UNK: variants seen among roughly 807,000 people sequenced by gnomAD.
UNK encodes unk zinc finger.
In UNK, 32 loss-of-function variants were observed where a neutral mutation model predicts 97.6. That is an observed-to-expected ratio of 0.33 (90% CI 0.25 to 0.44). The LOEUF is 0.44. Ranked by LOEUF, UNK falls within the 20% of genes least tolerant of loss-of-function variation. UNK has a pLI of 1.00. For missense variants in UNK, 771 were observed against 1,098.4 expected (o/e 0.70, Z 4.21); for synonymous variants, 441 against 461.2 (o/e 0.96, Z 0.56).
rs57508407 is a variant in UNK at position 75,794,638 on chromosome 17, C to CAA, written c.104+9668_104+9669dup. On this transcript the variant is annotated intron_variant, in intron 1 of 15. Coordinates refer to ENST00000589666, the MANE Select transcript of UNK (RefSeq NM_001080419.3). ...GGGCAACAAGAGTGAAACTCCGTCTCAAAAAAAAAAAAAAATGCTTAGTTA... is the reference window on the plus strand; with the variant it reads ...GGGCAACAAGAGTGAAACTCCGTCTCAAAAAAAAAAAAAAAAATGCTTAGTTA... 6.1e-3 allele frequency among the ~76,000 whole-genome samples: 749 copies of CAA among 123,492 alleles called. 3 individuals carry two copies. Among genetic ancestry groups the CAA allele is most frequent in the African/African-American group, 0.014 (474 of 34,780 alleles). 81.0% of individuals were successfully genotyped at this position (123,492 alleles called of 152,430 possible). A position where few individuals can be genotyped will look rare whatever the true frequency, so the allele number is the denominator to read the frequency against.
At chr17:75,794,879 G>A (rs60851052) in intron 1 of UNK, among the ~76,000 whole-genome samples, 1 of 152,272 alleles carries the variant, frequency 6.6e-6, no homozygotes, top group East Asian at 1.9e-4. Flanking sequence ...ACAGTGCTTG[G>A]CACTTAGCAC....
At chr17:75,801,484 T>A (rs184278492) in intron 1 of UNK, among the ~76,000 whole-genome samples, 3 of 152,092 alleles carry the variant, frequency 2.0e-5, no homozygotes, top group Non-Finnish European at 4.4e-5. Context: ...ACTACTGCAC[T>A]CCAGCCTGGT....
At chr17:75,795,321 T>TTTGTTG (rs542714810) in intron 1 of UNK, among the ~76,000 whole-genome samples, 4 of 151,736 alleles carry the variant, frequency 2.6e-5, no homozygotes, top group South Asian at 2.1e-4. Context: ...TTGTGGGCTT[T>TTTGTTG]TTGTTGTTGT....
intron 3 of UNK, 26 bp from the exon 4 acceptor site, chr17:75,812,429 C>T (rs777393852): frequency 1.9e-6 from 3 of 1,603,222 alleles, no homozygotes; most frequent in Admixed American, 3.4e-5. Flanking sequence ...CCTCTCCACC[C>T]TCTCTGTTCT....
chr17:75,824,518 GTA>G lies in UNK; in HGVS notation c.*105_*106del, dbSNP rs1249589239. The G allele has an allele frequency of 2.8e-4, 241 of 846,476 alleles. No homozygotes were observed. Among genetic ancestry groups the G allele is most frequent in the Non-Finnish European group, 3.4e-4 (223 of 659,936 alleles). 52.4% of individuals were successfully genotyped at this position (846,476 alleles called of 1,614,324 possible). A position where few individuals can be genotyped will look rare whatever the true frequency, so the allele number is the denominator to read the frequency against. ...TATATATATATGTGTATGTATGTATGTATATGTATATGATTATGTATATGTAT... is the reference window on the plus strand; with the variant it reads ...TATATATATATGTGTATGTATGTATGTATGTATATGATTATGTATATGTAT... On this transcript the variant is annotated 3_prime_UTR_variant, in exon 16 of 16. Coordinates refer to ENST00000589666, the MANE Select transcript of UNK (RefSeq NM_001080419.3). This position sits in a 1 kb window ranked among gnomAD's most constrained non-coding sequence, Gnocchi z 4.9.
Position 75,813,824 on chromosome 17 carries a change from C to G in UNK, c.822C>G (p.Asn274Lys). ...GGGGAGACCCTGGCAAGTGTGAGAA[C>G]GGAGACGCCTGCCAGTACTGCCACA... ...DEWGDPGKCE[N>K]GDACQYCHTR... The change falls in exon 6 of 16, where the codon AAC (asparagine) becomes AAG (lysine). Residue 274 changes from asparagine to lysine, a missense_variant. Asn to Lys is a moderately conservative substitution (Grantham distance 94, BLOSUM62 0). Transcript: ENST00000589666. 1 of 1,597,152 alleles carries G rather than the reference C, an allele frequency of 6.3e-7. No homozygotes were observed. Among genetic ancestry groups the G allele is most frequent in the Non-Finnish European group, 8.5e-7 (1 of 1,173,002 alleles).
At chr17:75,811,964 G>A in intron 2 of UNK, 148 bp from the exon 3 acceptor site, 2 of 994,418 alleles carry the variant, frequency 2.0e-6, no homozygotes, top group East Asian at 2.7e-5. Context: ...CCAGCCTGGC[G>A]ACAGAGCAAG....
chr17:75,808,984 CG>C (rs1328752683), intron 1 of UNK: 6 of 152,206 alleles, frequency 3.9e-5, no homozygotes, highest in Non-Finnish European at 8.8e-5. Context: ...TGGGAGGAGG[CG>C]GCCAAAAGGA....
chr17:75,794,268 A>G (rs1228768718), intron 1 of UNK: 4 of 763,220 alleles, frequency 5.2e-6, no homozygotes, highest in East Asian at 1.3e-4. Flanking sequence ...ACTCTCTGAC[A>G]TATTCTAAAC....
At position 75,816,843 on chromosome 17, in the gene UNK, C is replaced by T; in HGVS notation, c.1035C>T (p.Tyr345=). The change falls in exon 8 of 16, where the codon TAC becomes TAT. Residue 345 remains tyrosine (Y), a synonymous_variant. Transcript: ENST00000589666. The surrounding 1 kb of genome is among the most constrained non-coding windows in gnomAD (Gnocchi z 4.0). The part of the protein sequence containing the change: ...SSPTQPGPVL[Y]MPSAAGDSVP... ...CCACCCAGCCAGGTCCTGTCCTGTA[C>T]ATGCCATCTGCCGCCGGAGACTCGG... The T allele has an allele frequency of 6.2e-7, 1 of 1,607,866 alleles. No individual in the cohort carries two copies.
At position 75,821,512 on chromosome 17, in the gene UNK, C is replaced by A. The variant is rs143417501; in HGVS notation, c.1838-965C>A. ...CATGTGGGTGGGGTGACCCTGAGGT[C>A]TTCCTCTGGGATGGGGCAGATGGCT... is the stretch of plus-strand genomic sequence containing the variant. On this transcript the variant is annotated intron_variant, in intron 13 of 15. Transcript: ENST00000589666. 1.4e-3 allele frequency: 609 copies of A among 441,012 alleles called. 5 individuals carry two copies. Among genetic ancestry groups the A allele is most frequent in the African/African-American group, 0.011 (556 of 49,978 alleles). The allele number at this position is 441,012 out of a possible 1,614,324, so 27.3% of individuals were successfully genotyped here.
At chr17:75,795,880 C>G (rs1378494389) in intron 1 of UNK, among the ~76,000 whole-genome samples, 1 of 152,178 alleles carries the variant, frequency 6.6e-6, no homozygotes, top group Non-Finnish European at 1.5e-5. Context: ...GGGGCCAGGA[C>G]AGCTCACAGG....
chr17:75,821,979 G>C (rs2062073382), intron 13 of UNK: 1 of 317,486 alleles, frequency 3.1e-6, no homozygotes, highest in Admixed American at 4.5e-5. Flanking sequence ...GTAAAACAAG[G>C]GGGATGGCCC....
At chr17:75,820,167 G>T in intron 13 of UNK, 59 bp downstream of exon 13, 5 of 1,539,286 alleles carry the variant, frequency 3.2e-6, no homozygotes, top group Non-Finnish European at 3.5e-6. Flanking sequence ...CCTTTAGGAG[G>T]TGCCTCTGGC....
chr17:75,819,212 C>T lies in UNK; in HGVS notation c.1546+396C>T. 1 of 230,066 alleles carries T rather than the reference C, an allele frequency of 4.3e-6. No homozygotes were observed. Among genetic ancestry groups the T allele is most frequent in the Non-Finnish European group, 8.4e-6 (1 of 119,054 alleles). The allele number at this position is 230,066 out of a possible 1,614,324, so 14.3% of individuals were successfully genotyped here. On this transcript the variant is annotated intron_variant, in intron 11 of 15. Transcript: ENST00000589666. The surrounding 1 kb of genome is among the most constrained non-coding windows in gnomAD (Gnocchi z 5.4). ...CTCATTTCTAGGTGCCCGCTTTGTG[C>T]CAGGTCCTGTGGCAGGCACTGAGGA...
intron 1 of UNK, 185 bp downstream of exon 1, chr17:75,785,169 G>A: frequency 1.9e-6 from 1 of 519,610 alleles, no homozygotes; most frequent in Non-Finnish European, 3.3e-6. Flanking sequence ...CCAACCTCTG[G>A]TCGGGCTGTG....
chr17:75,810,118 C>G, intron 2 of UNK, 149 bp downstream of exon 2: 2 of 939,632 alleles, frequency 2.1e-6, no homozygotes, highest in Non-Finnish European at 3.1e-6. Context: ...ACCCCACCAT[C>G]CCTGGCGGTA....
Position 75,824,443 on chromosome 17 carries a change from C to T in UNK, c.*26C>T, listed in dbSNP as rs1465472363. On this transcript the variant is annotated 3_prime_UTR_variant, in exon 16 of 16. Transcript: ENST00000589666. The surrounding 1 kb of genome is among the most constrained non-coding windows in gnomAD (Gnocchi z 4.9). ...CCCTGCAGGCCTGGCCCAGCCTGGCCCAGATCTTCTCACCTAGGACTTTTT... is the reference window on the plus strand; with the variant it reads ...CCCTGCAGGCCTGGCCCAGCCTGGCTCAGATCTTCTCACCTAGGACTTTTT... 10 of 1,419,592 alleles carry T rather than the reference C, an allele frequency of 7.0e-6. No homozygotes were observed. The highest frequency in any genetic ancestry group is 1.5e-5 in the African/African-American group (1 of 66,520). 87.9% of individuals were successfully genotyped at this position (1,419,592 alleles called of 1,614,324 possible). A position where few individuals can be genotyped will look rare whatever the true frequency, so the allele number is the denominator to read the frequency against.
At chr17:75,785,046 T>A in intron 1 of UNK, 62 bp downstream of exon 1, 1 of 1,143,962 alleles carries the variant, frequency 8.7e-7, no homozygotes, top group Non-Finnish European at 1.2e-6. Context: ...CCAGCGTGAG[T>A]CACGCGCGCA....
Sources: gnomAD v4.1 joint callset for allele counts (sites outside exome capture counted in the v4.1 genomes callset) on GRCh38, gnomAD v4.1.1 for gene constraint, Gnocchi (gnomAD v3.1) non-coding constraint, MANE v1.5 for transcripts, NCBI Gene and HGNC (gene_info 2026-07-23, HGNC 2026-07-21) for gene names.